The following TENM2 variants were observed in gnomAD, a reference collection of about 807,000 sequenced individuals.
The protein encoded by TENM2 is teneurin-2.
Under a neutral mutation model 245.2 loss-of-function variants are expected in TENM2, and 52 were observed. That is an observed-to-expected ratio of 0.21 (90% CI 0.17 to 0.27). The LOEUF is 0.27. Among genes scored for constraint, TENM2 ranks in the 10% least tolerant of loss-of-function variants. The probability of loss-of-function intolerance (pLI) is 1.00; values close to 1 mark genes in which losing one functional copy is unlikely to be tolerated. For synonymous variants in TENM2, 1,363 were observed against 1,438.9 expected (o/e 0.95, Z 1.19); for missense variants, 3,046 against 3,666.8 (o/e 0.83, Z 4.37).
intron 2 of TENM2, among the ~76,000 whole-genome samples, chr5:167,418,186 G>A (rs957982022): frequency 1.3e-5 from 2 of 152,082 alleles, no homozygotes; most frequent in Admixed American, 6.5e-5. Context: ...AAAATTAGCA[G>A]GGTGTGGTGG....
chr5:168,215,190 G>A (rs757617836), exon 21 of TENM2: 18 of 1,613,886 alleles, frequency 1.1e-5, no homozygotes, highest in Admixed American at 1.7e-5. Flanking sequence ...TGGCAGGGAC[G>A]GGAGAGCAGT....
chr5:167,438,640 G>A (rs1005973011), intron 2 of TENM2, among the ~76,000 whole-genome samples: 29 of 152,128 alleles, frequency 1.9e-4, no homozygotes, highest in African/African-American at 5.1e-4. Flanking sequence ...CTCGTGATTC[G>A]TCCGCCTTGG....
At chr5:167,726,870 A>C (rs1396547824) in intron 2 of TENM2, among the ~76,000 whole-genome samples, 1 of 151,416 alleles carries the variant, frequency 6.6e-6, no homozygotes, top group East Asian at 1.9e-4. Context: ...ACATTCCTCA[A>C]CTCCCCTAGC....
intron 2 of TENM2, among the ~76,000 whole-genome samples, chr5:167,705,160 G>A (rs752592056): frequency 6.6e-6 from 1 of 152,132 alleles, no homozygotes; most frequent in Non-Finnish European, 1.5e-5. Flanking sequence ...ACTTTTTATG[G>A]TAAATATCTA....
At chr5:167,868,368 A>T (rs1772512337) in intron 2 of TENM2, among the ~76,000 whole-genome samples, 1 of 152,186 alleles carries the variant, frequency 6.6e-6, no homozygotes, top group African/African-American at 2.4e-5. Flanking sequence ...CTTTATATAA[A>T]TACATAATAT....
At chr5:167,552,658 G>A (rs1228675446) in intron 2 of TENM2, among the ~76,000 whole-genome samples, 1 of 152,176 alleles carries the variant, frequency 6.6e-6, no homozygotes, top group Non-Finnish European at 1.5e-5. Context: ...CTTTGGGCAT[G>A]GAAGATGATT....
intron 9 of TENM2, among the ~76,000 whole-genome samples, chr5:168,107,028 C>G (rs182991616): frequency 1.3e-5 from 2 of 152,028 alleles, no homozygotes; most frequent in East Asian, 3.9e-4. Flanking sequence ...CCACTGCACT[C>G]CAGCCTGTGC....
chr5:168,019,809 A>G (rs894873396), intron 5 of TENM2, among the ~76,000 whole-genome samples: 2 of 152,234 alleles, frequency 1.3e-5, no homozygotes. Context: ...AAACTTTCCT[A>G]TTTTTAATTG....
intron 12 of TENM2, among the ~76,000 whole-genome samples, chr5:168,146,796 A>AG (rs1217348209): frequency 2.0e-5 from 3 of 152,208 alleles, no homozygotes; most frequent in Non-Finnish European, 2.9e-5. Flanking sequence ...TGTCAATGAG[A>AG]GGGGCCGGTG....
chr5:167,920,284 G>A (rs972440553), intron 3 of TENM2, among the ~76,000 whole-genome samples: 20 of 149,096 alleles, frequency 1.3e-4, no homozygotes, highest in Non-Finnish European at 1.5e-5. Flanking sequence ...CTGAGGTCAG[G>A]AGTTCTCGAC....
intron 2 of TENM2, among the ~76,000 whole-genome samples, chr5:167,766,253 G>C (rs147585988): frequency 1.3e-5 from 2 of 151,982 alleles, no homozygotes; most frequent in African/African-American, 4.8e-5. Flanking sequence ...TAATATGTGC[G>C]AGTATTCTAA....
chr5:168,148,857 T>C (rs1341627405), intron 12 of TENM2, among the ~76,000 whole-genome samples: 1 of 149,678 alleles, frequency 6.7e-6, no homozygotes, highest in Non-Finnish European at 1.5e-5. Flanking sequence ...GATTAATAAA[T>C]AAATATAAAT....
intron 2 of TENM2, among the ~76,000 whole-genome samples, chr5:167,868,415 A>G (rs1041226354): frequency 6.6e-6 from 1 of 152,008 alleles, no homozygotes; most frequent in African/African-American, 2.4e-5. Context: ...GAAGTAAAAT[A>G]TAAATACATA....
At chr5:167,252,414 G>C in the TENM2 span, among the ~76,000 whole-genome samples, 4 of 152,126 alleles carry the variant, frequency 2.6e-5, no homozygotes, top group Admixed American at 2.0e-4. Context: ...GTAAGTAGGC[G>C]AATGGCTTTG....
At chr5:167,046,072 T>C in the TENM2 span, among the ~76,000 whole-genome samples, 4 of 152,184 alleles carry the variant, frequency 2.6e-5, no homozygotes, top group African/African-American at 4.8e-5. Context: ...CATACTGATA[T>C]AGCCACTTAC....
At chr5:167,297,512 G>A (rs1356704971) in intron 1 of TENM2, 2 of 152,166 alleles carry the variant, frequency 1.3e-5, no homozygotes, top group African/African-American at 4.8e-5. Context: ...TTGATCCAAC[G>A]TCTTCAAAGT....
chr5:167,625,649 C>G (rs766993715), intron 2 of TENM2, among the ~76,000 whole-genome samples: 1 of 152,132 alleles, frequency 6.6e-6, no homozygotes, highest in Non-Finnish European at 1.5e-5. Context: ...CAAATTACCC[C>G]AAAACTTCAT....
chr5:167,670,845 T>A (rs924619505), intron 2 of TENM2, among the ~76,000 whole-genome samples: 9 of 151,994 alleles, frequency 5.9e-5, no homozygotes, highest in Admixed American at 5.2e-4. Context: ...CCTTGCCATT[T>A]TTCCTTCCCC....
chr5:167,128,529 C>T, the TENM2 span, among the ~76,000 whole-genome samples: 3 of 151,696 alleles, frequency 2.0e-5, no homozygotes, highest in South Asian at 4.2e-4. Context: ...CTTTGGGAAC[C>T]ACCAGTCTAG....
Sources: gnomAD v4.1 joint callset for allele counts (sites outside exome capture counted in the v4.1 genomes callset) on GRCh38, gnomAD v4.1.1 for gene constraint, MANE v1.5 for transcripts, NCBI Gene and HGNC (gene_info 2026-07-23, HGNC 2026-07-21) for gene names.